MYH9: variants seen among roughly 807,000 people sequenced by gnomAD.
The protein encoded by MYH9 is myosin-9.
MYH9 carries 29 observed loss-of-function variants against 241.9 expected under a neutral mutation model. The observed-to-expected ratio is 0.12, with a 90% CI of 0.09 to 0.16. The LOEUF is 0.16. Among genes scored for constraint, MYH9 ranks in the 10% least tolerant of loss-of-function variants. The pLI is 1.00. For missense variants in MYH9, 1,803 were observed against 2,595.5 expected (o/e 0.69, Z 6.63); for synonymous variants, 1,047 against 1,062.6 (o/e 0.99, Z 0.29).
At chr22:36,337,547 A>G (rs1003439959) in intron 3 of MYH9, among the ~76,000 whole-genome samples, 1 of 152,234 alleles carries the variant, frequency 6.6e-6, no homozygotes, top group African/African-American at 2.4e-5. Context: ...CTCCTCTCCT[A>G]CAAGTCCCCA....
intron 24 of MYH9, 74 bp downstream of exon 24, chr22:36,298,845 G>C (rs1339867666): frequency 2.5e-6 from 4 of 1,600,436 alleles, no homozygotes; most frequent in Middle Eastern, 2.1e-4. Flanking sequence ...GTTCCGGTCA[G>C]ACAGGCCGGC....
At chr22:36,318,396 G>A in intron 10 of MYH9, 71 bp from the exon 11 acceptor site, 1 of 1,227,738 alleles carries the variant, frequency 8.1e-7, no homozygotes, top group Non-Finnish European at 1.2e-6. Flanking sequence ...GTTCTAATTA[G>A]ACCCAAGAGA....
intron 3 of MYH9, among the ~76,000 whole-genome samples, chr22:36,341,090 G>C (rs558641602): frequency 4.5e-4 from 69 of 152,002 alleles, no homozygotes; most frequent in Non-Finnish European, 8.5e-4. Flanking sequence ...AAAGCAGAGG[G>C]GACAGGCACA....
intron 1 of MYH9, among the ~76,000 whole-genome samples, chr22:36,356,052 A>G (rs2017850895): frequency 1.3e-5 from 2 of 152,256 alleles, no homozygotes; most frequent in South Asian, 2.1e-4. Context: ...CCAATCTCCA[A>G]TGGCCTTGGG....
At chr22:36,334,752 C>T (rs973710541) in intron 3 of MYH9, among the ~76,000 whole-genome samples, 19 of 152,188 alleles carry the variant, frequency 1.2e-4, no homozygotes, top group Admixed American at 7.9e-4. Flanking sequence ...CCAGCTCTAA[C>T]AGGTACTTAT....
In MYH9 at chr22:36,285,709, C is replaced by T. The variant is rs947271758; in HGVS notation, c.5223G>A (p.Glu1741=). Residue 1741 remains glutamate, a synonymous_variant, in exon 37 of 41, where the codon GAG becomes GAA. Transcript: ENST00000216181. The surrounding 1 kb of genome is among the most constrained non-coding windows in gnomAD (Gnocchi z 7.0). The stretch of plus-strand genomic sequence containing the variant: ...CGTTGATCAGCTCCGTGTTGCCCTG[C>T]TCCTCCTCCAGCTCCTCCTCCAGCT... The part of the protein sequence containing the change: ...IAQLEEELEE[E]QGNTELINDR... The T allele has an allele frequency of 2.5e-6, 4 of 1,613,230 alleles. No homozygotes were observed. Among genetic ancestry groups the T allele is most frequent in the Non-Finnish European group, 3.4e-6 (4 of 1,180,000 alleles).
At chr22:36,327,591 C>G (rs2017356223) in intron 3 of MYH9, 103 bp from the exon 4 acceptor site, 1 of 1,324,122 alleles carries the variant, frequency 7.6e-7, no homozygotes. Flanking sequence ...CACAGTGTCA[C>G]AGATGCTGTC....
intron 1 of MYH9, among the ~76,000 whole-genome samples, chr22:36,387,250 G>A (rs2018368176): frequency 1.3e-5 from 2 of 152,246 alleles, no homozygotes; most frequent in Admixed American, 6.5e-5. Context: ...CGGGTGCAAG[G>A]TCTGCAGCGG....
rs776250009 is a variant in MYH9 at position 36,300,826 on chromosome 22, C to G, written c.2838+25G>C. ...CCGCCCTGCCCCTCCGGCGCCACCC[C>G]TCCCCGGGTGCAGCGGGCAGGAACC... On this transcript the variant is annotated intron_variant, in intron 22 of 40. Coordinates refer to ENST00000216181, the MANE Select transcript of MYH9 (RefSeq NM_002473.6). This position sits in a 1 kb window ranked among gnomAD's most constrained non-coding sequence, Gnocchi z 5.0. The G allele has an allele frequency of 2.3e-5, 37 of 1,599,194 alleles. No individual in the cohort carries two copies. In the Middle Eastern group the frequency reaches 5.0e-4, roughly 22 times the overall value.
chr22:36,298,215 C>G (rs1018036465), intron 24 of MYH9, among the ~76,000 whole-genome samples: 1 of 152,128 alleles, frequency 6.6e-6, no homozygotes, highest in Non-Finnish European at 1.5e-5. Flanking sequence ...GGTATGAGCT[C>G]AGAGTTCCCA....
intron 25 of MYH9, among the ~76,000 whole-genome samples, chr22:36,296,595 G>C (rs930572327): frequency 4.0e-5 from 6 of 148,286 alleles, no homozygotes; most frequent in South Asian, 2.1e-4. Flanking sequence ...ATTAGGAAAG[G>C]ACTATTGTAG....
Position 36,353,406 on chromosome 22 carries a change from G to C in MYH9, c.-19-4151C>G, listed in dbSNP as rs1035796236. 1.3e-4 allele frequency among the ~76,000 whole-genome samples: 20 copies of C among 152,204 alleles called. No individual in the cohort carries two copies. In the East Asian group the frequency reaches 1.4e-3, roughly 10 times the overall value. ...GACAGAGACTCACTCTGTTGCCCAG[G>C]CTGGAGTGCAATGGCAAGATCTCAG... On this transcript the variant is annotated intron_variant, in intron 1 of 40. Transcript: ENST00000216181.
At chr22:36,384,163 C>T (rs1231121306) in intron 1 of MYH9, among the ~76,000 whole-genome samples, 9 of 151,668 alleles carry the variant, frequency 5.9e-5, no homozygotes, top group South Asian at 2.1e-4. Flanking sequence ...CCCAGCTACT[C>T]GGGAGACTGA....
rs1000855156 is a variant in MYH9 at position 36,320,409 on chromosome 22, T to C, written c.869-46A>G. On this transcript the variant is annotated intron_variant, in intron 8 of 40. Transcript: ENST00000216181. The surrounding 1 kb of genome is among the most constrained non-coding windows in gnomAD (Gnocchi z 4.8). Reference sequence around the variant, plus strand: ...GGGCGCCTCAGCGAGGTGCTGAAAGTGGAGGCTCCATCAGCGCTGTGACCT... The same window carrying C: ...GGGCGCCTCAGCGAGGTGCTGAAAGCGGAGGCTCCATCAGCGCTGTGACCT... 1 of 1,606,358 alleles carries C rather than the reference T, an allele frequency of 6.2e-7. No individual in the cohort carries two copies. The highest frequency in any genetic ancestry group is 1.7e-5 in the Admixed American group (1 of 60,014).
intron 15 of MYH9, among the ~76,000 whole-genome samples, chr22:36,307,849 T>A (rs1208774519): frequency 6.7e-6 from 1 of 148,272 alleles, no homozygotes; most frequent in African/African-American, 2.5e-5. Context: ...GATTGCACCA[T>A]GGCACTCCAG....
rs2017788342 is a variant in MYH9, at chr22:36,352,754, A to AC, written c.-19-3500dup. ...AGAGAGAATGCATCCCACCAGGGAC[A>AC]CCCCCCGCCTCCAAGGACCAAGGCT... On this transcript the variant is annotated intron_variant, in intron 1 of 40. Coordinates refer to ENST00000216181, the MANE Select transcript of MYH9 (RefSeq NM_002473.6). 3.3e-5 allele frequency among the ~76,000 whole-genome samples: 5 copies of AC among 151,810 alleles called. No homozygotes were observed. In the South Asian group the frequency reaches 8.3e-4, roughly 25 times the overall value.
At chr22:36,311,080 G>A (rs889907275) in intron 14 of MYH9, among the ~76,000 whole-genome samples, 1 of 152,092 alleles carries the variant, frequency 6.6e-6, no homozygotes, top group African/African-American at 2.4e-5. Context: ...ACATCTCCTC[G>A]CCAGTCATCA....
chr22:36,304,635 G>A (rs917477226), intron 18 of MYH9, among the ~76,000 whole-genome samples: 11 of 152,202 alleles, frequency 7.2e-5, no homozygotes, highest in Non-Finnish European at 1.2e-4. Context: ...TGGGAGTGGG[G>A]AGGGAGGGAG....
At chr22:36,310,937 T>C (rs1168068010) in intron 14 of MYH9, among the ~76,000 whole-genome samples, 1 of 152,232 alleles carries the variant, frequency 6.6e-6, no homozygotes, top group Non-Finnish European at 1.5e-5. Flanking sequence ...TATTATTTTT[T>C]TCATGGGTAG....
Sources: allele counts gnomAD v4.1 joint callset (sites outside exome capture counted in the v4.1 genomes callset), GRCh38; gene constraint gnomAD v4.1.1; non-coding constraint Gnocchi (gnomAD v3.1); transcripts MANE v1.5; gene names NCBI Gene and HGNC (gene_info 2026-07-23, HGNC 2026-07-21).